The following NKAIN1 variants were observed in gnomAD, a reference collection of about 807,000 sequenced individuals.
The protein encoded by NKAIN1 is sodium/potassium-transporting ATPase subunit beta-1-interacting protein 1.
A neutral mutation model predicts 31.6 loss-of-function variants in NKAIN1; 13 were observed. The ratio of observed to expected loss-of-function variants is 0.41; its 90% confidence interval spans 0.27 to 0.65. NKAIN1 has a LOEUF of 0.65. Ranked by LOEUF, NKAIN1 falls within the 30% of genes least tolerant of loss-of-function variation. The pLI, the probability that NKAIN1 is intolerant of heterozygous loss-of-function variation, is 0.30. For missense variants in NKAIN1, 193 were observed against 262.2 expected, an observed-to-expected ratio of 0.74 and a Z score of 1.82; for synonymous variants, 104 against 109.0, an observed-to-expected ratio of 0.95 and a Z score of 0.28.
rs562466778 is a variant in NKAIN1 at position 31,196,570 on chromosome 1, C to T, written c.55-8383G>A. 3.9e-4 allele frequency among the ~76,000 whole-genome samples: 59 copies of T among 149,702 alleles called. 1 individual carries two copies. The highest frequency in any genetic ancestry group is 3.6e-3 in the South Asian group (17 of 4,706). ...GGCATGGTGGTGGGCAACTGTAATT[C>T]CAGCTACTAGGGAGGCTGAGGCAGG... On this transcript the variant is annotated intron_variant, in intron 1 of 6. Coordinates refer to ENST00000373736, the MANE Select transcript of NKAIN1 (RefSeq NM_024522.3).
In NKAIN1 at chr1:31,238,782, G is replaced by A. The variant is rs552608469; in HGVS notation, c.54+712C>T. Among the ~76,000 whole-genome samples the A allele has an allele frequency of 3.3e-5, 5 of 152,288 alleles. No individual in the cohort carries two copies. In the South Asian group the frequency reaches 1.0e-3, roughly 32 times the overall value. On this transcript the variant is annotated intron_variant, in intron 1 of 6. Coordinates refer to ENST00000373736, the MANE Select transcript of NKAIN1 (RefSeq NM_024522.3). ...GGCCACAGCGGCCAGACCAAAGCAG[G>A]AAGTGTGGTCCAGGCTGGGTCAGGC...
chr1:31,219,418 C>T (rs906751977), intron 1 of NKAIN1, among the ~76,000 whole-genome samples: 13 of 152,252 alleles, frequency 8.5e-5, no homozygotes, highest in Admixed American at 6.5e-4. Flanking sequence ...TGGAGAAGCC[C>T]CGGCACGCCC....
In NKAIN1 at chr1:31,181,945, C is replaced by T. The variant is rs1402795700; in HGVS notation, c.533-4G>A. 1.9e-6 allele frequency: 3 copies of T among 1,605,144 alleles called. No individual in the cohort carries two copies. Among genetic ancestry groups the T allele is most frequent in the Non-Finnish European group, 2.6e-6 (3 of 1,176,464 alleles). ...TCAAAGCCGCCGATGAAGTCAACTGCGGAAGAGGGGCGGCGCATGTTAGGG... is the reference window on the plus strand; with the variant it reads ...TCAAAGCCGCCGATGAAGTCAACTGTGGAAGAGGGGCGGCGCATGTTAGGG... On this transcript the variant is annotated splice_region_variant and splice_polypyrimidine_tract_variant and intron_variant, in intron 5 of 6. Transcript: ENST00000373736.
At chr1:31,195,962 A>AC (rs113696900) in intron 1 of NKAIN1, among the ~76,000 whole-genome samples, 1 of 149,256 alleles carries the variant, frequency 6.7e-6, no homozygotes, top group South Asian at 2.1e-4. Flanking sequence ...CAACACTCTC[A>AC]CCCCCAAAAC....
intron 1 of NKAIN1, among the ~76,000 whole-genome samples, chr1:31,194,139 C>G (rs979854143): frequency 3.9e-5 from 6 of 152,174 alleles, no homozygotes; most frequent in African/African-American, 9.7e-5. Context: ...GCCACCACCC[C>G]ACTCAGTTAC....
chr1:31,228,680 A>C (rs1569583769), intron 1 of NKAIN1, among the ~76,000 whole-genome samples: 1 of 151,460 alleles, frequency 6.6e-6, no homozygotes, highest in Admixed American at 6.6e-5. Context: ...TGCACACTTG[A>C]CCTCCTGGGC....
intron 1 of NKAIN1, among the ~76,000 whole-genome samples, chr1:31,227,974 C>T (rs899834993): frequency 1.3e-5 from 2 of 152,182 alleles, no homozygotes; most frequent in Non-Finnish European, 2.9e-5. Flanking sequence ...TGTTAGAAGC[C>T]TCAGAAACAA....
intron 2 of NKAIN1, 29 bp downstream of exon 2, chr1:31,188,021 G>A: frequency 6.5e-7 from 1 of 1,547,988 alleles, no homozygotes; most frequent in Non-Finnish European, 8.7e-7. Context: ...GAGAGGAGTT[G>A]GCTTGGGAAG....
chr1:31,197,979 A>G (rs1174696137), intron 1 of NKAIN1, among the ~76,000 whole-genome samples: 2 of 152,160 alleles, frequency 1.3e-5, no homozygotes, highest in Non-Finnish European at 2.9e-5. Flanking sequence ...CAGCCTCCTG[A>G]GTAGCTAGGA....
intron 1 of NKAIN1, among the ~76,000 whole-genome samples, chr1:31,235,804 T>C (rs1209695620): frequency 3.3e-5 from 5 of 152,036 alleles, no homozygotes; most frequent in Non-Finnish European, 7.4e-5. Flanking sequence ...AATTGCAGGA[T>C]GTCAGAAGCA....
chr1:31,183,838 G>A lies in NKAIN1; in HGVS notation c.450C>T (p.Ser150=), dbSNP rs147599277. 6.3e-5 allele frequency: 102 copies of A among 1,613,406 alleles called. No individual in the cohort carries two copies. The highest frequency in any genetic ancestry group is 1.2e-4 in the African/African-American group (9 of 74,874). The change falls in exon 4 of 7, where the codon AGC becomes AGT. Residue 150 remains serine (S), a synonymous_variant. Transcript: ENST00000373736. ...TTACTGCCAGGAAGATCTGCAGGGCGCTGCTGAGGGCTTCAATGTAGGGGT... is the reference window on the plus strand; with the variant it reads ...TTACTGCCAGGAAGATCTGCAGGGCACTGCTGAGGGCTTCAATGTAGGGGT... ...LDYPYIEALS[S]ALQIFLALFG...
At chr1:31,181,804 C>A in intron 6 of NKAIN1, 56 bp downstream of exon 6, 1 of 1,568,086 alleles carries the variant, frequency 6.4e-7, no homozygotes, top group Non-Finnish European at 8.7e-7. Context: ...CCATCCCCTC[C>A]TTTTCGCAAC....
chr1:31,185,517 A>G (rs910908187), intron 2 of NKAIN1, among the ~76,000 whole-genome samples, 190 bp from the exon 3 acceptor site: 1 of 152,236 alleles, frequency 6.6e-6, no homozygotes, highest in African/African-American at 2.4e-5. Flanking sequence ...CTGCAAGGTC[A>G]GCACTGCCCT....
rs185370203 is a variant in NKAIN1 at position 31,233,615 on chromosome 1, G to T, written c.54+5879C>A. ...TCTCATTATGTTAATTTCCCACTCA[G>T]CCCCATATTTTCCACATAAAGAAGA... On this transcript the variant is annotated intron_variant, in intron 1 of 6. Coordinates refer to ENST00000373736, the MANE Select transcript of NKAIN1 (RefSeq NM_024522.3). This position sits in a 1 kb window ranked among gnomAD's most constrained non-coding sequence, Gnocchi z 4.0. Among the ~76,000 whole-genome samples the T allele has an allele frequency of 6.6e-6, 1 of 152,266 alleles. No individual in the cohort carries two copies. The highest frequency in any genetic ancestry group is 1.9e-4 in the East Asian group (1 of 5,184).
Position 31,204,940 on chromosome 1 carries a change from C to T in NKAIN1, c.55-16753G>A, listed in dbSNP as rs751309795. Among the ~76,000 whole-genome samples, 35 of 152,166 alleles carry T rather than the reference C, an allele frequency of 2.3e-4. 1 individual carries two copies. The highest frequency in any genetic ancestry group is 1.2e-3 in the Admixed American group (18 of 15,272). ...GGTAATTATCAGCTCAGGCTCTGCACTCGGGCAGGCCTGGAAGTGAGTCTC... is the reference window on the plus strand; with the variant it reads ...GGTAATTATCAGCTCAGGCTCTGCATTCGGGCAGGCCTGGAAGTGAGTCTC... On this transcript the variant is annotated intron_variant, in intron 1 of 6. Coordinates refer to ENST00000373736, the MANE Select transcript of NKAIN1 (RefSeq NM_024522.3).
At chr1:31,232,474 G>T (rs556366009) in intron 1 of NKAIN1, among the ~76,000 whole-genome samples, 5 of 118,988 alleles carry the variant, frequency 4.2e-5, no homozygotes, top group African/African-American at 1.7e-4. Flanking sequence ...GAGAGAGAGT[G>T]GGGGAGGTCT....
chr1:31,198,994 T>C (rs1265054329), intron 1 of NKAIN1, among the ~76,000 whole-genome samples: 1 of 152,152 alleles, frequency 6.6e-6, no homozygotes, highest in Non-Finnish European at 1.5e-5. Flanking sequence ...ATCAGAAGTC[T>C]CTCGTGCCCC....
intron 1 of NKAIN1, among the ~76,000 whole-genome samples, chr1:31,201,562 C>T (rs568298501): frequency 8.0e-4 from 121 of 151,984 alleles, no homozygotes; most frequent in Non-Finnish European, 1.4e-3. Flanking sequence ...AGGGTTTCAC[C>T]GTGTTAGCCA....
intron 1 of NKAIN1, among the ~76,000 whole-genome samples, chr1:31,204,453 CCCACGTCTAAA>C (rs1645407942): frequency 6.6e-6 from 1 of 152,132 alleles, no homozygotes; most frequent in Non-Finnish European, 1.5e-5. Context: ...TGCCCATGTT[CCCACGTCTAAA>C]CTACTGAGGC....
Sources: allele counts gnomAD v4.1 joint callset (sites outside exome capture counted in the v4.1 genomes callset), GRCh38; gene constraint gnomAD v4.1.1; non-coding constraint Gnocchi (gnomAD v3.1); transcripts MANE v1.5; gene names NCBI Gene and HGNC (gene_info 2026-07-23, HGNC 2026-07-21).